The following TBC1D19 variants were observed in gnomAD, a reference collection of about 807,000 sequenced individuals.
TBC1D19 encodes the protein TBC1 domain family member 19.
TBC1D19 carries 60 observed loss-of-function variants against 89.0 expected under a neutral mutation model. That is an observed-to-expected ratio of 0.67 (90% CI 0.55 to 0.84). TBC1D19 has a LOEUF of 0.84. Ranked by LOEUF, TBC1D19 falls within the 40% of genes least tolerant of loss-of-function variation. TBC1D19 has a pLI of 0.00. For synonymous variants in TBC1D19, 189 were observed against 199.7 expected (o/e 0.95, Z 0.45); for missense variants, 500 against 610.8 (o/e 0.82, Z 1.91).
intron 13 of TBC1D19, among the ~76,000 whole-genome samples, chr4:26,703,826 T>C (rs1449014508): frequency 6.6e-6 from 1 of 151,158 alleles, no homozygotes; most frequent in African/African-American, 2.4e-5. Context: ...CTGGGCGTGG[T>C]GGCGGGCGCC....
chr4:26,634,059 A>G (rs1399247453), intron 4 of TBC1D19, among the ~76,000 whole-genome samples: 1 of 150,672 alleles, frequency 6.6e-6, no homozygotes, highest in East Asian at 1.9e-4. Flanking sequence ...TGCTAGATAG[A>G]TAAAAGAGTA....
chr4:26,766,728 T>C, the TBC1D19 span, among the ~76,000 whole-genome samples: 39 of 152,330 alleles, frequency 2.6e-4, no homozygotes, highest in African/African-American at 9.4e-4. Flanking sequence ...CCAGCTCCAC[T>C]ATTTACTAAC....
rs558050869 is a variant in TBC1D19 at position 26,649,715 on chromosome 4, T to C, written c.480+9528T>C. Among the ~76,000 whole-genome samples, 34 of 152,206 alleles carry C rather than the reference T, an allele frequency of 2.2e-4. No individual in the cohort carries two copies. In the South Asian group the frequency reaches 4.1e-3, roughly 19 times the overall value. ...CATAATATCTCAACGTTCTAACTTT[T>C]TTTTTTTTTATTATACTTTAAGTTT... On this transcript the variant is annotated intron_variant, in intron 7 of 20. Coordinates refer to ENST00000264866, the MANE Select transcript of TBC1D19 (RefSeq NM_018317.4).
the TBC1D19 span, among the ~76,000 whole-genome samples, chr4:26,787,518 G>A: frequency 2.6e-4 from 39 of 152,270 alleles, 2 homozygotes; most frequent in South Asian, 5.6e-3. Flanking sequence ...GGAAAAGGGC[G>A]GTCTCTGACG....
intron 1 of TBC1D19, among the ~76,000 whole-genome samples, chr4:26,589,961 G>C (rs550129742): frequency 1.7e-3 from 258 of 152,284 alleles, no homozygotes; most frequent in African/African-American, 6.0e-3. Context: ...TCAGTCTTTT[G>C]TATGGGCACC....
intron 20 of TBC1D19, chr4:26,754,100 A>G: frequency 1.9e-6 from 1 of 513,336 alleles, no homozygotes; most frequent in Non-Finnish European, 3.5e-6. Flanking sequence ...AGTAATAAAC[A>G]AGATTATTAT....
the TBC1D19 span, among the ~76,000 whole-genome samples, chr4:26,852,410 A>C: frequency 6.6e-6 from 1 of 152,070 alleles, no homozygotes; most frequent in Non-Finnish European, 1.5e-5. Flanking sequence ...TACAAAAATT[A>C]GCTGGGTGTG....
chr4:26,842,568 T>TTTCC, the TBC1D19 span, among the ~76,000 whole-genome samples: 3 of 125,470 alleles, frequency 2.4e-5, no homozygotes. Context: ...TTTCTTTCCT[T>TTTCC]TTCCTTCCTC....
chr4:26,803,107 G>C, the TBC1D19 span, among the ~76,000 whole-genome samples: 3 of 152,148 alleles, frequency 2.0e-5, no homozygotes, highest in African/African-American at 7.2e-5. Flanking sequence ...GAATTTGAGG[G>C]GAACGCATGC....
chr4:26,843,854 A>C, the TBC1D19 span, among the ~76,000 whole-genome samples: 2 of 152,178 alleles, frequency 1.3e-5, no homozygotes, highest in Admixed American at 1.3e-4. Context: ...GTGAAGCAGG[A>C]ACAGGCCTGT....
At chr4:26,752,235 ATTTC>A (rs1227591822) in intron 19 of TBC1D19, among the ~76,000 whole-genome samples, 2 of 143,214 alleles carry the variant, frequency 1.4e-5, no homozygotes, top group Non-Finnish European at 3.1e-5. Flanking sequence ...AATTTGGAAT[ATTTC>A]TTTCTTTTTT....
chr4:26,733,807 C>T (rs1014735867), intron 15 of TBC1D19, among the ~76,000 whole-genome samples: 10 of 152,128 alleles, frequency 6.6e-5, no homozygotes, highest in African/African-American at 1.9e-4. Context: ...ATAACCCTTT[C>T]GTGAAGTCCG....
the TBC1D19 span, among the ~76,000 whole-genome samples, chr4:26,773,880 A>G: frequency 6.6e-6 from 1 of 152,186 alleles, no homozygotes; most frequent in Non-Finnish European, 1.5e-5. Context: ...CTTGTAGCAT[A>G]GTTTGAAGTT....
At chr4:26,763,146 T>A in the TBC1D19 span, among the ~76,000 whole-genome samples, 2 of 152,200 alleles carry the variant, frequency 1.3e-5, no homozygotes, top group South Asian at 4.1e-4. Context: ...TAATTTCTCT[T>A]GTGTGGTTTT....
chr4:26,809,527 A>G, the TBC1D19 span, among the ~76,000 whole-genome samples: 1 of 152,128 alleles, frequency 6.6e-6, no homozygotes, highest in African/African-American at 2.4e-5. Context: ...CTCTCACCCT[A>G]TTCCACCAAG....
At chr4:26,834,522 C>T in the TBC1D19 span, among the ~76,000 whole-genome samples, 2 of 151,858 alleles carry the variant, frequency 1.3e-5, no homozygotes, top group Non-Finnish European at 2.9e-5. Context: ...AAAAGACAAT[C>T]GTCAATCTGG....
At chr4:26,766,138 A>G in the TBC1D19 span, among the ~76,000 whole-genome samples, 29 of 152,176 alleles carry the variant, frequency 1.9e-4, no homozygotes, top group Admixed American at 1.4e-3. Context: ...AAGTAGATGA[A>G]TGAGTATTTC....
intron 1 of TBC1D19, among the ~76,000 whole-genome samples, chr4:26,593,286 A>G (rs1053949098): frequency 1.3e-5 from 2 of 152,240 alleles, no homozygotes; most frequent in Admixed American, 6.5e-5. Flanking sequence ...GGCTAGCCAT[A>G]TGTAGAAAGC....
chr4:26,817,825 G>A, the TBC1D19 span, among the ~76,000 whole-genome samples: 21 of 151,744 alleles, frequency 1.4e-4, no homozygotes, highest in Middle Eastern at 6.8e-3. Flanking sequence ...AAAATTAGCC[G>A]GGCGTGGTGG....
Sources: gnomAD v4.1 joint callset for allele counts (sites outside exome capture counted in the v4.1 genomes callset) on GRCh38, gnomAD v4.1.1 for gene constraint, MANE v1.5 for transcripts, NCBI Gene and HGNC (gene_info 2026-07-23, HGNC 2026-07-21) for gene names.